The following CSMD3 variants were observed in gnomAD, a reference collection of about 807,000 sequenced individuals.
CSMD3 encodes CUB and Sushi multiple domains 3, also known as CUB and sushi domain-containing protein 3.
Under a neutral mutation model 435.2 loss-of-function variants are expected in CSMD3, and 177 were observed. The observed-to-expected ratio is 0.41, with a 90% CI of 0.36 to 0.46. The LOEUF (loss-of-function observed/expected upper bound fraction) is 0.46, where lower values mean the gene tolerates loss of function less well. CSMD3 is among the 20% of genes least tolerant of loss of function. The probability of loss-of-function intolerance (pLI) is 0.34; values close to 1 mark genes in which losing one functional copy is unlikely to be tolerated. For synonymous variants in CSMD3, 1,656 were observed against 1,520.5 expected (o/e 1.09, Z -2.07); for missense variants, 4,265 against 4,504.6 (o/e 0.95, Z 1.52).
At chr8:113,415,492 G>A (rs2094578044) in intron 1 of CSMD3, among the ~76,000 whole-genome samples, 1 of 152,064 alleles carries the variant, frequency 6.6e-6, no homozygotes, top group South Asian at 2.1e-4. Flanking sequence ...AATCTTCCAC[G>A]ACTATGAACA....
intron 20 of CSMD3, among the ~76,000 whole-genome samples, chr8:112,643,920 T>C (rs1364064517): frequency 6.6e-6 from 1 of 152,058 alleles, no homozygotes; most frequent in Non-Finnish European, 1.5e-5. Context: ...CAAATTTAAA[T>C]GTATTAAACA....
At chr8:112,636,168 C>A (rs971140644) in intron 22 of CSMD3, among the ~76,000 whole-genome samples, 2 of 151,924 alleles carry the variant, frequency 1.3e-5, no homozygotes, top group Non-Finnish European at 2.9e-5. Flanking sequence ...TTTTATCAGT[C>A]AAAATATTTA....
chr8:113,272,619 G>A (rs1390455040), intron 3 of CSMD3, among the ~76,000 whole-genome samples: 1 of 152,134 alleles, frequency 6.6e-6, no homozygotes, highest in Non-Finnish European at 1.5e-5. Flanking sequence ...CAGCCATGTG[G>A]AACAACTGTA....
intron 3 of CSMD3, among the ~76,000 whole-genome samples, chr8:113,224,650 T>C (rs562831627): frequency 6.6e-6 from 1 of 151,446 alleles, no homozygotes; most frequent in African/African-American, 2.4e-5. Flanking sequence ...ACCTAAATAA[T>C]ATTTATATAG....
chr8:113,282,297 C>A (rs182519452), intron 2 of CSMD3, among the ~76,000 whole-genome samples: 1 of 151,982 alleles, frequency 6.6e-6, no homozygotes, highest in East Asian at 1.9e-4. Flanking sequence ...TAACTGTTTG[C>A]TGATGATATG....
intron 1 of CSMD3, among the ~76,000 whole-genome samples, chr8:113,346,704 T>A (rs2094153658): frequency 6.7e-6 from 1 of 149,484 alleles, no homozygotes; most frequent in Non-Finnish European, 1.5e-5. Flanking sequence ...TAAGAAAATA[T>A]CTGAGAGAAA....
chr8:112,804,217 T>TATCCAA (rs1238674911), intron 12 of CSMD3, among the ~76,000 whole-genome samples: 1 of 152,172 alleles, frequency 6.6e-6, no homozygotes, highest in African/African-American at 2.4e-5. Flanking sequence ...CTTTGATGAC[T>TATCCAA]ATCCAAATTC....
intron 20 of CSMD3, among the ~76,000 whole-genome samples, chr8:112,643,968 T>A (rs2131607845): frequency 6.6e-6 from 1 of 152,024 alleles, no homozygotes; most frequent in South Asian, 2.1e-4. Context: ...ATCTTCTCAT[T>A]GCTAAAAGTA....
chr8:113,401,276 G>A (rs2094508900), intron 1 of CSMD3, among the ~76,000 whole-genome samples: 1 of 151,532 alleles, frequency 6.6e-6, no homozygotes, highest in South Asian at 2.1e-4. Flanking sequence ...TTAACAATTT[G>A]GGTTGAGCAG....
chr8:113,159,047 C>T (rs976680585), intron 4 of CSMD3, among the ~76,000 whole-genome samples: 27 of 151,922 alleles, frequency 1.8e-4, no homozygotes, highest in Admixed American at 6.6e-4. Flanking sequence ...AAAGGAAAGG[C>T]CTTGTTAGGA....
intron 11 of CSMD3, among the ~76,000 whole-genome samples, chr8:112,833,070 G>A (rs898140513): frequency 6.6e-6 from 1 of 152,022 alleles, no homozygotes; most frequent in African/African-American, 2.4e-5. Context: ...ATTGCTATAA[G>A]ATAAGACTGT....
chr8:113,236,209 C>T (rs960228063), intron 3 of CSMD3, among the ~76,000 whole-genome samples: 15 of 152,116 alleles, frequency 9.9e-5, no homozygotes, highest in Non-Finnish European at 1.8e-4. Flanking sequence ...ACTGCAGGTC[C>T]GCCTTTGCAT....
chr8:113,096,653 T>C (rs2090171183), intron 5 of CSMD3, among the ~76,000 whole-genome samples: 1 of 152,086 alleles, frequency 6.6e-6, no homozygotes, highest in Non-Finnish European at 1.5e-5. Context: ...AGATGAATCT[T>C]GAGCCAGGCT....
chr8:112,643,270 A>G (rs1303647904), intron 20 of CSMD3, among the ~76,000 whole-genome samples: 1 of 152,156 alleles, frequency 6.6e-6, no homozygotes, highest in Non-Finnish European at 1.5e-5. Flanking sequence ...CCCAAGGAGT[A>G]CAGTCCTTAT....
chr8:112,631,799 TA>T lies in CSMD3; in HGVS notation c.3715+5017del, dbSNP rs937142779. 1.3e-3 allele frequency among the ~76,000 whole-genome samples: 190 copies of T among 151,310 alleles called. 1 individual carries two copies. Among genetic ancestry groups the T allele is most frequent in the Middle Eastern group, 0.01 (3 of 294 alleles). ...TCACTAGAGCACTTTTCTTTCATCT[TA>T]AAAAAAAATTGGGTTAAATAGAACT... On this transcript the variant is annotated intron_variant, in intron 22 of 70. Transcript: ENST00000297405.
At chr8:112,531,898 C>T (rs1342375321) in intron 27 of CSMD3, among the ~76,000 whole-genome samples, 2 of 151,996 alleles carry the variant, frequency 1.3e-5, no homozygotes, top group East Asian at 3.9e-4. Flanking sequence ...AGTGATTAAC[C>T]TTGGAGTGCC....
intron 8 of CSMD3, among the ~76,000 whole-genome samples, chr8:112,953,682 T>A (rs2083908353): frequency 1.3e-5 from 2 of 151,468 alleles, no homozygotes; most frequent in Admixed American, 6.6e-5. Context: ...ATATAACTGC[T>A]CAATTTTTGT....
intron 27 of CSMD3, among the ~76,000 whole-genome samples, chr8:112,525,751 C>CATATATATAT (rs553559009): frequency 1.7e-5 from 2 of 119,482 alleles, no homozygotes; most frequent in African/African-American, 6.3e-5. Context: ...CATATATATA[C>CATATATATAT]ATATATATAT....
chr8:112,526,736 A>C (rs773041040), intron 27 of CSMD3, among the ~76,000 whole-genome samples: 1 of 151,930 alleles, frequency 6.6e-6, no homozygotes, highest in African/African-American at 2.4e-5. Context: ...TTAAAAGATA[A>C]TTTTTTTGCT....
Sources: gnomAD v4.1 joint callset for allele counts (sites outside exome capture counted in the v4.1 genomes callset) on GRCh38, gnomAD v4.1.1 for gene constraint, MANE v1.5 for transcripts, NCBI Gene and HGNC (gene_info 2026-07-23, HGNC 2026-07-21) for gene names.